SLIT3: variants seen among roughly 807,000 people sequenced by gnomAD.
SLIT3 encodes the protein slit homolog 3 protein.
In SLIT3, 68 loss-of-function variants were observed where a neutral mutation model predicts 184.0. That is an observed-to-expected ratio of 0.37 (90% CI 0.30 to 0.45). The LOEUF is 0.45. Ranked by LOEUF, SLIT3 falls within the 20% of genes least tolerant of loss-of-function variation. SLIT3 has a pLI of 1.00. For synonymous variants in SLIT3, 831 were observed against 828.6 expected (o/e 1.00, Z -0.05); for missense variants, 1,707 against 2,026.0 (o/e 0.84, Z 3.02).
chr5:168,998,414 C>G (rs1350234598), intron 4 of SLIT3, among the ~76,000 whole-genome samples: 2 of 152,114 alleles, frequency 1.3e-5, no homozygotes, highest in African/African-American at 4.8e-5. Context: ...AAGGTTAGAA[C>G]TAAGAAATGG....
intron 12 of SLIT3, among the ~76,000 whole-genome samples, chr5:168,785,486 T>TC (rs1468971119): frequency 6.6e-6 from 1 of 152,216 alleles, no homozygotes; most frequent in Non-Finnish European, 1.5e-5. Flanking sequence ...CCCCGACCCC[T>TC]CTTCAAGGTC....
intron 4 of SLIT3, among the ~76,000 whole-genome samples, chr5:169,152,663 A>C (rs1358870658): frequency 6.6e-6 from 1 of 152,196 alleles, no homozygotes; most frequent in Non-Finnish European, 1.5e-5. Context: ...CCTTATCAGA[A>C]AAGTGGAAGA....
intron 4 of SLIT3, among the ~76,000 whole-genome samples, chr5:168,972,058 G>T (rs1471615518): frequency 6.6e-6 from 1 of 152,190 alleles, no homozygotes; most frequent in Non-Finnish European, 1.5e-5. Flanking sequence ...ATTACACAGG[G>T]CTGCGAGGAA....
intron 4 of SLIT3, among the ~76,000 whole-genome samples, chr5:169,101,090 G>A (rs1171213391): frequency 6.6e-6 from 1 of 152,184 alleles, no homozygotes; most frequent in Non-Finnish European, 1.5e-5. Context: ...ATTTTGTCCT[G>A]AGTGCCATGG....
At chr5:168,860,625 A>T (rs1759068511) in intron 5 of SLIT3, among the ~76,000 whole-genome samples, 1 of 152,102 alleles carries the variant, frequency 6.6e-6, no homozygotes, top group Admixed American at 6.6e-5. Context: ...TATCTTTCAG[A>T]TACAGACCAA....
chr5:168,786,313 A>G (rs1299918723), intron 11 of SLIT3, among the ~76,000 whole-genome samples: 5 of 152,156 alleles, frequency 3.3e-5, no homozygotes, highest in African/African-American at 1.2e-4. Context: ...AGCAATAAAT[A>G]CACTGTGTGG....
At chr5:168,685,616 C>A (rs975622792) in intron 31 of SLIT3, 71 bp downstream of exon 31, 1 of 1,488,146 alleles carries the variant, frequency 6.7e-7, no homozygotes, top group Non-Finnish European at 8.9e-7. Context: ...GGCATTCCAG[C>A]AATTTTCTGA....
chr5:168,833,521 C>T (rs901257187), intron 6 of SLIT3, among the ~76,000 whole-genome samples: 17 of 152,208 alleles, frequency 1.1e-4, no homozygotes, highest in Non-Finnish European at 2.2e-4. Context: ...CTATTGGGCA[C>T]TAGAGTGGCC....
intron 4 of SLIT3, among the ~76,000 whole-genome samples, chr5:168,943,994 C>T (rs1762398193): frequency 6.6e-6 from 1 of 152,194 alleles, no homozygotes; most frequent in Non-Finnish European, 1.5e-5. Flanking sequence ...CTCGGTTTTA[C>T]CCCCACAGTC....
chr5:169,032,225 A>G (rs1237136325), intron 4 of SLIT3, among the ~76,000 whole-genome samples: 3 of 152,206 alleles, frequency 2.0e-5, no homozygotes, highest in Non-Finnish European at 4.4e-5. Context: ...CCATGTCCAT[A>G]TATACAAAGT....
intron 4 of SLIT3, among the ~76,000 whole-genome samples, chr5:169,102,000 T>G (rs892852878): frequency 6.6e-6 from 1 of 152,178 alleles, no homozygotes; most frequent in African/African-American, 2.4e-5. Flanking sequence ...CTAGACTTAT[T>G]TGTCTTTTCC....
chr5:168,985,370 G>T (rs557117743), intron 4 of SLIT3, among the ~76,000 whole-genome samples: 133 of 152,250 alleles, frequency 8.7e-4, no homozygotes, highest in Admixed American at 1.2e-3. Flanking sequence ...TTGGGCTTCA[G>T]CAATCTCTGA....
At chr5:168,817,206 C>G (rs1757360148) in intron 8 of SLIT3, 94 bp downstream of exon 8, 1 of 1,184,810 alleles carries the variant, frequency 8.4e-7, no homozygotes, top group Non-Finnish European at 1.2e-6. Flanking sequence ...AAGCTCTGGG[C>G]TAGGGTATGT....
At chr5:168,957,285 T>C (rs191906300) in intron 4 of SLIT3, among the ~76,000 whole-genome samples, 2 of 151,608 alleles carry the variant, frequency 1.3e-5, no homozygotes, top group Admixed American at 6.6e-5. Context: ...AGGGTGGTCT[T>C]GAACTCCTGA....
At chr5:169,125,476 G>A (rs1581434473) in intron 4 of SLIT3, among the ~76,000 whole-genome samples, 2 of 152,350 alleles carry the variant, frequency 1.3e-5, no homozygotes, top group Admixed American at 1.3e-4. Context: ...ACAAAAAGGT[G>A]GAGAAATGCC....
intron 9 of SLIT3, among the ~76,000 whole-genome samples, chr5:168,795,927 A>G (rs554457658): frequency 3.0e-4 from 46 of 152,292 alleles, no homozygotes; most frequent in Admixed American, 2.2e-3. Context: ...TCAAAGGGAT[A>G]AAGAGAAGGA....
chr5:168,702,820 CCAACA>C, intron 26 of SLIT3, among the ~76,000 whole-genome samples: 1 of 152,112 alleles, frequency 6.6e-6, no homozygotes, highest in Non-Finnish European at 1.5e-5. Context: ...GTGGTGGTGG[CCAACA>C]CATGGACCGT....
intron 22 of SLIT3, among the ~76,000 whole-genome samples, 170 bp from the exon 23 acceptor site, chr5:168,722,497 C>G (rs1762976825): frequency 6.6e-6 from 1 of 152,220 alleles, no homozygotes; most frequent in African/African-American, 2.4e-5. Flanking sequence ...AGGAAGCGCA[C>G]TGGCTTTATT....
chr5:169,223,766 A>G (rs1329998849), intron 3 of SLIT3, among the ~76,000 whole-genome samples: 1 of 152,240 alleles, frequency 6.6e-6, no homozygotes, highest in Non-Finnish European at 1.5e-5. Context: ...ACCAAGAAAA[A>G]CAAAACCAGC....
Sources: allele counts gnomAD v4.1 joint callset (sites outside exome capture counted in the v4.1 genomes callset), GRCh38; gene constraint gnomAD v4.1.1; transcripts MANE v1.5; gene names NCBI Gene and HGNC (gene_info 2026-07-23, HGNC 2026-07-21).